The following AP3B1 variants were observed in gnomAD, a reference collection of about 807,000 sequenced individuals.
AP3B1 encodes the protein adaptor related protein complex 3 subunit beta 1.
Under a neutral mutation model 132.5 loss-of-function variants are expected in AP3B1, and 61 were observed. The observed-to-expected ratio is 0.46, with a 90% CI of 0.37 to 0.57. The LOEUF (loss-of-function observed/expected upper bound fraction) is 0.57. Ranked by LOEUF, AP3B1 falls within the 20% of genes least tolerant of loss-of-function variation. The pLI is 0.00. For synonymous variants in AP3B1, 388 were observed against 438.3 expected, an observed-to-expected ratio of 0.89 and a Z score of 1.43; for missense variants, 1,120 against 1,289.4, an observed-to-expected ratio of 0.87 and a Z score of 2.01.
chr5:78,258,069 A>C (rs969500494), intron 2 of AP3B1, among the ~76,000 whole-genome samples: 4 of 152,210 alleles, frequency 2.6e-5, no homozygotes, highest in African/African-American at 9.6e-5. Context: ...ACAACAAAAC[A>C]TTGGGGAAAA....
intron 24 of AP3B1, among the ~76,000 whole-genome samples, chr5:78,033,265 C>T (rs1168470113): frequency 6.6e-6 from 1 of 151,902 alleles, no homozygotes; most frequent in African/African-American, 2.4e-5. Context: ...AAATAATAAA[C>T]AATTACTAGG....
intron 13 of AP3B1, among the ~76,000 whole-genome samples, chr5:78,160,587 T>TA (rs1743349080): frequency 1.3e-5 from 2 of 152,094 alleles, no homozygotes; most frequent in African/African-American, 4.8e-5. Context: ...CCCTGAGGTT[T>TA]AAAGATTCAT....
intron 24 of AP3B1, among the ~76,000 whole-genome samples, chr5:78,032,981 G>C (rs1301070512): frequency 6.6e-6 from 1 of 151,996 alleles, no homozygotes; most frequent in African/African-American, 2.4e-5. Flanking sequence ...TCCTGTTCAA[G>C]AGACTATAAA....
intron 17 of AP3B1, among the ~76,000 whole-genome samples, chr5:78,126,504 CAAAAAAAAAA>C (rs70997969): frequency 5.8e-4 from 36 of 62,386 alleles, no homozygotes; most frequent in South Asian, 4.5e-3. Context: ...GACTCTGTCT[CAAAAAAAAAA>C]AAAAAAAAAA....
At chr5:78,116,003 A>G (rs771469185) in intron 18 of AP3B1, 123 bp downstream of exon 18, 1 of 744,166 alleles carries the variant, frequency 1.3e-6, no homozygotes, top group Non-Finnish European at 2.4e-6. Flanking sequence ...GAAAGGGATT[A>G]TTTTGATAAT....
chr5:78,013,528 C>G (rs1746708840), intron 26 of AP3B1, among the ~76,000 whole-genome samples: 1 of 152,132 alleles, frequency 6.6e-6, no homozygotes, highest in Non-Finnish European at 1.5e-5. Flanking sequence ...CTAGGTGTTT[C>G]AGGTAAAATT....
At chr5:78,030,716 G>A (rs895574485) in intron 24 of AP3B1, among the ~76,000 whole-genome samples, 1 of 152,084 alleles carries the variant, frequency 6.6e-6, no homozygotes, top group African/African-American at 2.4e-5. Context: ...ACACTCTGTC[G>A]CCTAGGCTGG....
intron 9 of AP3B1, among the ~76,000 whole-genome samples, chr5:78,176,648 TCTGAATTAAAC>T (rs1004750180): frequency 4.6e-5 from 7 of 152,220 alleles, no homozygotes; most frequent in Admixed American, 2.0e-4. Context: ...GAAACAAATG[TCTGAATTAAAC>T]CTGAAATCAT....
At chr5:78,073,984 T>C (rs1270787001) in intron 22 of AP3B1, among the ~76,000 whole-genome samples, 1 of 152,182 alleles carries the variant, frequency 6.6e-6, no homozygotes, top group Non-Finnish European at 1.5e-5. Context: ...TAATTGCTAG[T>C]TCATTAATAA....
intron 7 of AP3B1, among the ~76,000 whole-genome samples, chr5:78,205,402 T>C (rs1482263098): frequency 6.6e-6 from 1 of 151,660 alleles, no homozygotes; most frequent in Non-Finnish European, 1.5e-5. Context: ...AATAAATACA[T>C]TATTTTAAAG....
chr5:78,232,550 C>G (rs1346436632), intron 3 of AP3B1, among the ~76,000 whole-genome samples: 1 of 152,190 alleles, frequency 6.6e-6, no homozygotes, highest in Non-Finnish European at 1.5e-5. Flanking sequence ...TCAGCAATCT[C>G]TATGCCCAGA....
chr5:78,039,732 C>A (rs1208856806), intron 22 of AP3B1, among the ~76,000 whole-genome samples: 1 of 147,184 alleles, frequency 6.8e-6, no homozygotes, highest in Non-Finnish European at 1.5e-5. Flanking sequence ...GAGCCGAGAT[C>A]GCGCCACTGC....
chr5:78,194,771 T>C (rs1283267818), intron 7 of AP3B1, among the ~76,000 whole-genome samples: 5 of 152,190 alleles, frequency 3.3e-5, no homozygotes, highest in Non-Finnish European at 7.4e-5. Flanking sequence ...CATATTTCTA[T>C]GACAGCATTG....
intron 1 of AP3B1, among the ~76,000 whole-genome samples, chr5:78,278,627 G>GAAAA (rs1561217276): frequency 0.013 from 404 of 30,392 alleles, 25 homozygotes; most frequent in Non-Finnish European, 0.02. Context: ...AAAAAAAAAG[G>GAAAA]GGGGGGGGGA....
chr5:78,235,474 A>T (rs1280337476), intron 3 of AP3B1, among the ~76,000 whole-genome samples: 1 of 152,248 alleles, frequency 6.6e-6, no homozygotes. Context: ...GGCAAAAAGC[A>T]TAACAATATT....
intron 6 of AP3B1, among the ~76,000 whole-genome samples, chr5:78,224,809 T>C (rs550133122): frequency 6.6e-6 from 1 of 152,008 alleles, no homozygotes; most frequent in African/African-American, 2.4e-5. Flanking sequence ...ATTATAAACA[T>C]ACATGCACCA....
intron 12 of AP3B1, among the ~76,000 whole-genome samples, chr5:78,165,104 T>C (rs558058785): frequency 1.5e-4 from 23 of 151,754 alleles, no homozygotes; most frequent in Non-Finnish European, 1.0e-4. Flanking sequence ...CTAGGAAGAG[T>C]CTCATAAGGC....
In AP3B1 at chr5:78,167,216, C is replaced by T. The variant is rs941290695; in HGVS notation, c.1168-1544G>A. 3.9e-5 allele frequency among the ~76,000 whole-genome samples: 6 copies of T among 151,954 alleles called. No individual in the cohort carries two copies. In the South Asian group the frequency reaches 6.2e-4, roughly 16 times the overall value. ...TAGACAATTCTCAAAGATACACAAA[C>T]GGCCAAGAAGCACATGGAAAAATGC... On this transcript the variant is annotated intron_variant, in intron 11 of 26. Transcript: ENST00000255194.
At chr5:78,141,417 TTAA>T (rs1445555041) in intron 14 of AP3B1, 98 bp from the exon 15 acceptor site, 12 of 863,018 alleles carry the variant, frequency 1.4e-5, no homozygotes, top group Admixed American at 5.1e-5. Context: ...TTTACAGCTA[TTAA>T]TTAATTTAAT....
Sources: allele counts gnomAD v4.1 joint callset (sites outside exome capture counted in the v4.1 genomes callset), GRCh38; gene constraint gnomAD v4.1.1; transcripts MANE v1.5; gene names NCBI Gene and HGNC (gene_info 2026-07-23, HGNC 2026-07-21).